Variants in GMDS observed in about 807,000 individuals in gnomAD.
GMDS encodes GDP-mannose 4,6-dehydratase.
A neutral mutation model predicts 49.9 loss-of-function variants in GMDS; 20 were observed. The ratio of observed to expected loss-of-function variants is 0.40; its 90% confidence interval spans 0.28 to 0.58. The LOEUF is 0.58. Among genes scored for constraint, GMDS ranks in the 20% least tolerant of loss-of-function variants. The pLI is 0.42. For synonymous variants in GMDS, 177 were observed against 178.6 expected (o/e 0.99, Z 0.07); for missense variants, 362 against 481.4 (o/e 0.75, Z 2.32).
At chr6:2,089,429 G>A (rs1773193549) in intron 4 of GMDS, among the ~76,000 whole-genome samples, 1 of 151,938 alleles carries the variant, frequency 6.6e-6, no homozygotes, top group Non-Finnish European at 1.5e-5. Flanking sequence ...GCTTCAAGAG[G>A]CCACAAAGTA....
chr6:2,222,580 G>A (rs1361466779), intron 1 of GMDS, among the ~76,000 whole-genome samples: 1 of 152,176 alleles, frequency 6.6e-6, no homozygotes, highest in Non-Finnish European at 1.5e-5. Flanking sequence ...GGGGAATACT[G>A]TAATAGACGC....
At chr6:2,019,614 T>G (rs1038489228) in intron 4 of GMDS, among the ~76,000 whole-genome samples, 1 of 152,074 alleles carries the variant, frequency 6.6e-6, no homozygotes, top group Admixed American at 6.5e-5. Flanking sequence ...CATGCCCGGC[T>G]AATTTTTGTA....
chr6:1,843,778 A>G (rs1221268628), intron 7 of GMDS, among the ~76,000 whole-genome samples: 1 of 152,118 alleles, frequency 6.6e-6, no homozygotes, highest in Non-Finnish European at 1.5e-5. Flanking sequence ...CAAATAAATA[A>G]ATAAATGCAT....
chr6:2,193,003 T>C (rs558611716), intron 1 of GMDS, among the ~76,000 whole-genome samples: 3 of 152,222 alleles, frequency 2.0e-5, no homozygotes, highest in Non-Finnish European at 2.9e-5. Context: ...GGCTTAACCA[T>C]TGGCTCTGAT....
chr6:1,841,926 C>T (rs1374424402), intron 7 of GMDS, among the ~76,000 whole-genome samples: 1 of 152,154 alleles, frequency 6.6e-6, no homozygotes, highest in East Asian at 1.9e-4. Flanking sequence ...TCCGTTTTTC[C>T]CACCATTGTC....
At chr6:2,176,698 C>T (rs1342982093) in intron 1 of GMDS, among the ~76,000 whole-genome samples, 2 of 152,146 alleles carry the variant, frequency 1.3e-5, no homozygotes, top group Non-Finnish European at 2.9e-5. Context: ...TCCTTCATCT[C>T]ACACTCCCTC....
chr6:1,726,795 G>C (rs953277343), intron 8 of GMDS, among the ~76,000 whole-genome samples: 18 of 152,056 alleles, frequency 1.2e-4, no homozygotes, highest in Non-Finnish European at 2.1e-4. Flanking sequence ...AAATAAAATT[G>C]GGCAACTTTC....
intron 4 of GMDS, among the ~76,000 whole-genome samples, chr6:2,072,915 T>C (rs1196080098): frequency 6.6e-6 from 1 of 152,260 alleles, no homozygotes; most frequent in East Asian, 1.9e-4. Context: ...TTAAATAAGC[T>C]GAGTGTGTGA....
At chr6:2,021,648 C>T (rs891642068) in intron 4 of GMDS, among the ~76,000 whole-genome samples, 4 of 152,172 alleles carry the variant, frequency 2.6e-5, no homozygotes, top group Non-Finnish European at 5.9e-5. Context: ...AAACTCTAAT[C>T]CCAGTTTTGC....
At chr6:1,869,225 T>C (rs187905934) in intron 7 of GMDS, among the ~76,000 whole-genome samples, 1 of 152,230 alleles carries the variant, frequency 6.6e-6, no homozygotes, top group Non-Finnish European at 1.5e-5. Flanking sequence ...GTCTCATACA[T>C]GGATACTGAT....
chr6:1,835,991 C>T lies in GMDS; in HGVS notation c.772-93405G>A, dbSNP rs368480579. Reference sequence around the variant, plus strand: ...TAAGCTCCGCCTCCCGGGTTCACACCACCGGAGCTGTGACTACAGGTGCCC... The same window carrying T: ...TAAGCTCCGCCTCCCGGGTTCACACTACCGGAGCTGTGACTACAGGTGCCC... On this transcript the variant is annotated intron_variant, in intron 7 of 10. Transcript: ENST00000380815. 2.0e-4 allele frequency among the ~76,000 whole-genome samples: 30 copies of T among 151,480 alleles called. No homozygotes were observed. In the East Asian group the frequency reaches 4.8e-3, roughly 24 times the overall value.
At chr6:1,744,460 T>C (rs1767404428) in intron 7 of GMDS, among the ~76,000 whole-genome samples, 4 of 152,194 alleles carry the variant, frequency 2.6e-5, no homozygotes, top group Admixed American at 2.0e-4. Flanking sequence ...ATACTACCAC[T>C]ACTACTACTA....
intron 4 of GMDS, among the ~76,000 whole-genome samples, chr6:2,010,459 G>A (rs1400091649): frequency 6.6e-6 from 1 of 151,614 alleles, no homozygotes; most frequent in Admixed American, 6.6e-5. Flanking sequence ...ACACAAGGAT[G>A]ATGAGATTAC....
chr6:1,723,390 G>A (rs375266307), intron 9 of GMDS, among the ~76,000 whole-genome samples: 2 of 141,644 alleles, frequency 1.4e-5, no homozygotes, highest in African/African-American at 5.3e-5. Context: ...GCAGTGGCAC[G>A]ACCTTGGCTC....
intron 4 of GMDS, among the ~76,000 whole-genome samples, chr6:2,008,401 A>T (rs1254014863): frequency 6.6e-6 from 1 of 152,150 alleles, no homozygotes. Context: ...TTCTTCACTG[A>T]CTGTGGAGTT....
chr6:1,949,904 TAA>T (rs1763257868), intron 6 of GMDS, among the ~76,000 whole-genome samples: 1 of 152,216 alleles, frequency 6.6e-6, no homozygotes, highest in African/African-American at 2.4e-5. Context: ...TGCAATAAAT[TAA>T]GTCTCTGATG....
At chr6:1,674,615 A>C (rs1157106936) in intron 9 of GMDS, among the ~76,000 whole-genome samples, 5 of 122,404 alleles carry the variant, frequency 4.1e-5, no homozygotes, top group African/African-American at 1.2e-4. Context: ...CCCAGGCTGG[A>C]GCGCAGTGAT....
chr6:2,141,761 C>T (rs187795462), intron 1 of GMDS, among the ~76,000 whole-genome samples: 56 of 152,212 alleles, frequency 3.7e-4, no homozygotes, highest in East Asian at 1.2e-3. Flanking sequence ...CACAAACGGC[C>T]GGCAGCCACA....
chr6:1,736,015 T>A (rs560535671), intron 8 of GMDS, among the ~76,000 whole-genome samples: 1 of 152,200 alleles, frequency 6.6e-6, no homozygotes, highest in Non-Finnish European at 1.5e-5. Context: ...TAGGTACTTA[T>A]GAAGGCAGCA....
Sources: gnomAD v4.1 joint callset for allele counts (sites outside exome capture counted in the v4.1 genomes callset) on GRCh38, gnomAD v4.1.1 for gene constraint, MANE v1.5 for transcripts, NCBI Gene and HGNC (gene_info 2026-07-23, HGNC 2026-07-21) for gene names.